The following RBFOX1 variants were observed in gnomAD, a reference collection of about 807,000 sequenced individuals.
RBFOX1 encodes the protein RNA binding fox-1 homolog 1, also known as RNA binding protein fox-1 homolog 1.
A neutral mutation model predicts 57.7 loss-of-function variants in RBFOX1; 8 were observed. The ratio of observed to expected loss-of-function variants is 0.14; its 90% CI spans 0.08 to 0.25. The LOEUF (loss-of-function observed/expected upper bound fraction) is 0.25. Ranked by LOEUF, RBFOX1 falls within the 10% of genes least tolerant of loss-of-function variation. The pLI, the probability that RBFOX1 is intolerant of heterozygous loss-of-function variation, is 1.00. For missense variants in RBFOX1, 611 were observed against 548.5 expected, an observed-to-expected ratio of 1.11 and a Z score of -1.14; for synonymous variants, 326 against 222.4, an observed-to-expected ratio of 1.47 and a Z score of -4.15.
chr16:6,925,033 C>T (rs907768385), intron 3 of RBFOX1, among the ~76,000 whole-genome samples: 1 of 143,382 alleles, frequency 7.0e-6, no homozygotes, highest in Non-Finnish European at 1.5e-5. Context: ...TTTTTTATGG[C>T]TGCATAATAT....
chr16:5,690,275 A>G (rs2050633141), intron 3 of RBFOX1, among the ~76,000 whole-genome samples: 1 of 152,246 alleles, frequency 6.6e-6, no homozygotes, highest in South Asian at 2.1e-4. Context: ...ATCAATGCCA[A>G]CAAAGTGCTT....
At chr16:7,096,931 CAAAAAAA>C (rs59519427) in intron 4 of RBFOX1, among the ~76,000 whole-genome samples, 4 of 69,114 alleles carry the variant, frequency 5.8e-5, no homozygotes, top group Non-Finnish European at 1.0e-4. Context: ...GACTCCATCT[CAAAAAAA>C]AAAAAAAAAA....
At chr16:6,665,452 A>G (rs2098726043) in intron 3 of RBFOX1, among the ~76,000 whole-genome samples, 1 of 152,142 alleles carries the variant, frequency 6.6e-6, no homozygotes, top group African/African-American at 2.4e-5. Flanking sequence ...CATCGCTGCT[A>G]AAAATAAAAA....
At chr16:5,595,930 A>T (rs1799622253) in intron 2 of RBFOX1, among the ~76,000 whole-genome samples, 1 of 152,200 alleles carries the variant, frequency 6.6e-6, no homozygotes, top group African/African-American at 2.4e-5. Context: ...CAGGAAGGGC[A>T]GAAAAAGTCT....
chr16:6,232,993 T>C (rs1480051543), intron 1 of RBFOX1, among the ~76,000 whole-genome samples: 3 of 152,160 alleles, frequency 2.0e-5, no homozygotes, highest in African/African-American at 4.8e-5. Flanking sequence ...TGTAAACCCA[T>C]GGAGCGCCAT....
chr16:7,260,119 C>T (rs543166658), intron 4 of RBFOX1, among the ~76,000 whole-genome samples: 1 of 152,248 alleles, frequency 6.6e-6, no homozygotes, highest in East Asian at 1.9e-4. Flanking sequence ...GATCCTTAAG[C>T]ATGAAGGCTT....
chr16:6,744,994 A>T (rs1481411453), intron 3 of RBFOX1, among the ~76,000 whole-genome samples: 1 of 152,054 alleles, frequency 6.6e-6, no homozygotes, highest in East Asian at 1.9e-4. Context: ...GTATAGAAAG[A>T]GGAGGCATCA....
chr16:5,582,234 T>C (rs1298214013), intron 2 of RBFOX1, among the ~76,000 whole-genome samples: 1 of 151,786 alleles, frequency 6.6e-6, no homozygotes, highest in Non-Finnish European at 1.5e-5. Context: ...GACAGGCTGG[T>C]GGGGAGTTAG....
At chr16:5,535,442 G>C (rs2044656200) in intron 2 of RBFOX1, among the ~76,000 whole-genome samples, 1 of 152,160 alleles carries the variant, frequency 6.6e-6, no homozygotes, top group Non-Finnish European at 1.5e-5. Context: ...AAAGTGACAG[G>C]CATTCTGATT....
At chr16:7,631,897 C>T (rs767764688) in intron 11 of RBFOX1, among the ~76,000 whole-genome samples, 1 of 152,170 alleles carries the variant, frequency 6.6e-6, no homozygotes, top group Non-Finnish European at 1.5e-5. Flanking sequence ...GGAGGTCTGA[C>T]AGCCAGTTGT....
At chr16:7,194,085 T>C (rs7189297) in intron 4 of RBFOX1, among the ~76,000 whole-genome samples, 90,032 of 151,742 alleles carry the variant, frequency 0.59, 26,833 homozygotes, top group Middle Eastern at 0.64. Context: ...GAAGGAGTTA[T>C]TCTCTTTCCA....
chr16:6,452,109 T>A (rs2094641549), intron 2 of RBFOX1, among the ~76,000 whole-genome samples: 1 of 146,932 alleles, frequency 6.8e-6, no homozygotes, highest in Non-Finnish European at 1.5e-5. Flanking sequence ...CATGGCTCCA[T>A]CCATGGCTCC....
At chr16:6,504,198 C>G (rs79529041) in intron 2 of RBFOX1, among the ~76,000 whole-genome samples, 5 of 152,168 alleles carry the variant, frequency 3.3e-5, no homozygotes, top group African/African-American at 1.2e-4. Context: ...GCTGTGCAAG[C>G]CTGCATGATA....
intron 2 of RBFOX1, among the ~76,000 whole-genome samples, chr16:6,398,082 C>T (rs1397241031): frequency 1.3e-5 from 2 of 152,116 alleles, no homozygotes; most frequent in South Asian, 2.1e-4. Flanking sequence ...TAAGCAAACA[C>T]GTCCTTCTTC....
intron 2 of RBFOX1, among the ~76,000 whole-genome samples, chr16:6,319,743 G>A (rs950086905): frequency 1.3e-5 from 2 of 152,152 alleles, no homozygotes; most frequent in African/African-American, 4.8e-5. Flanking sequence ...GTGCTAAGAG[G>A]AAAGCCACAG....
At chr16:7,342,607 C>T (rs1173158689) in intron 4 of RBFOX1, among the ~76,000 whole-genome samples, 1 of 152,134 alleles carries the variant, frequency 6.6e-6, no homozygotes, top group Non-Finnish European at 1.5e-5. Context: ...TCTCTGCTCC[C>T]ATTCTTGGTG....
At chr16:5,420,691 G>A (rs189907921) in intron 1 of RBFOX1, among the ~76,000 whole-genome samples, 10 of 152,120 alleles carry the variant, frequency 6.6e-5, no homozygotes, top group African/African-American at 2.4e-4. Context: ...GCGCCACCAT[G>A]CCTGGCTAAT....
chr16:5,443,490 A>G (rs541247016), intron 1 of RBFOX1, among the ~76,000 whole-genome samples: 1 of 152,288 alleles, frequency 6.6e-6, no homozygotes, highest in Non-Finnish European at 1.5e-5. Flanking sequence ...GGCACACGCC[A>G]CCACGCCCAG....
At chr16:7,512,708 A>G (rs902295018) in intron 4 of RBFOX1, among the ~76,000 whole-genome samples, 2 of 152,236 alleles carry the variant, frequency 1.3e-5, no homozygotes, top group Non-Finnish European at 2.9e-5. Context: ...CTTTGGCACC[A>G]GTGGTGCCCC....
Sources: allele counts gnomAD v4.1 joint callset (sites outside exome capture counted in the v4.1 genomes callset), GRCh38; gene constraint gnomAD v4.1.1; transcripts MANE v1.5; gene names NCBI Gene and HGNC (gene_info 2026-07-23, HGNC 2026-07-21).